Variants in TSHZ3 observed in about 807,000 individuals in gnomAD.
The protein encoded by TSHZ3 is teashirt zinc finger homeobox 3, also known as teashirt homolog 3.
A neutral mutation model predicts 64.5 loss-of-function variants in TSHZ3; 10 were observed. The observed-to-expected ratio is 0.16, with a 90% CI of 0.10 to 0.26. The LOEUF (loss-of-function observed/expected upper bound fraction) is 0.26, where lower values mean the gene tolerates loss of function less well. Among genes scored for constraint, TSHZ3 ranks in the 10% least tolerant of loss-of-function variants. The pLI is 1.00. For synonymous variants in TSHZ3, 608 were observed against 593.1 expected (o/e 1.03, Z -0.36); for missense variants, 1,242 against 1,421.7 (o/e 0.87, Z 2.03).
At chr19:31,322,712 C>A (rs1390952622) in intron 1 of TSHZ3, among the ~76,000 whole-genome samples, 2 of 152,198 alleles carry the variant, frequency 1.3e-5, no homozygotes, top group Non-Finnish European at 2.9e-5. Context: ...GGGCCACCAT[C>A]CCCAGCCAGT....
chr19:31,247,557 A>AAAGGAGGCC (rs1481268091), intron 1 of TSHZ3, among the ~76,000 whole-genome samples: 2 of 152,194 alleles, frequency 1.3e-5, no homozygotes, highest in African/African-American at 4.8e-5. Flanking sequence ...TAAAGGCATA[A>AAAGGAGGCC]AAGGAGGCCA....
intron 5 of TSHZ3, among the ~76,000 whole-genome samples, chr19:31,185,474 C>T (rs1974791366): frequency 6.6e-6 from 1 of 152,118 alleles, no homozygotes; most frequent in Non-Finnish European, 1.5e-5. Flanking sequence ...CTATGGTGAA[C>T]AGAGGAAAGA....
intron 5 of TSHZ3, among the ~76,000 whole-genome samples, chr19:31,159,193 G>T (rs1366211438): frequency 6.6e-6 from 1 of 152,116 alleles, no homozygotes; most frequent in Non-Finnish European, 1.5e-5. Context: ...GGAGATGGGG[G>T]TTTCACCATT....
chr19:31,349,536 C>G (rs1201369815), upstream of TSHZ3: 2 of 294,202 alleles, frequency 6.8e-6, no homozygotes, highest in Middle Eastern at 9.6e-4. Flanking sequence ...GCGCTGCCGG[C>G]GGAATGGGAA....
At chr19:31,245,831 G>C (rs372791642) in intron 1 of TSHZ3, among the ~76,000 whole-genome samples, 5 of 152,176 alleles carry the variant, frequency 3.3e-5, no homozygotes, top group Non-Finnish European at 7.3e-5. Context: ...ATTGCAGGTA[G>C]TGTGGCCCCC....
chr19:31,349,319 C>T lies in TSHZ3; in HGVS notation c.-100G>A. 1 of 1,212,848 alleles carries T rather than the reference C, an allele frequency of 8.2e-7. No homozygotes were observed. The highest frequency in any genetic ancestry group is 1.1e-6 in the Non-Finnish European group (1 of 917,584). The allele number at this position is 1,212,848 out of a possible 1,614,324, so 75.1% of individuals were successfully genotyped here. A position where few individuals can be genotyped will look rare whatever the true frequency, so the allele number is the denominator to read the frequency against. On this transcript the variant is annotated 5_prime_UTR_variant, in exon 1 of 2. Coordinates refer to ENST00000240587, the MANE Select transcript of TSHZ3 (RefSeq NM_020856.4). ...GGGCCCGCGGGGGGGCGAGGCGGGC[C>T]TGCTCTCAGCCTCCCCCCCGGAGAG...
At chr19:31,343,783 T>TG (rs1274591834) in intron 1 of TSHZ3, among the ~76,000 whole-genome samples, 2 of 151,468 alleles carry the variant, frequency 1.3e-5, no homozygotes, top group African/African-American at 4.9e-5. Flanking sequence ...GGTTTTTTTT[T>TG]TGTTTTTTTT....
chr19:31,183,868 G>A (rs1417363896), intron 5 of TSHZ3, among the ~76,000 whole-genome samples: 4 of 152,104 alleles, frequency 2.6e-5, no homozygotes, highest in Non-Finnish European at 5.9e-5. Flanking sequence ...ATATATTAGT[G>A]CCGAACAGTC....
At chr19:31,176,664 C>A (rs1172429316) in intron 5 of TSHZ3, among the ~76,000 whole-genome samples, 1 of 152,128 alleles carries the variant, frequency 6.6e-6, no homozygotes, top group Non-Finnish European at 1.5e-5. Context: ...GTGACACACA[C>A]CTATAGTCCC....
At chr19:31,219,950 T>A (rs1190237272) in intron 4 of TSHZ3, among the ~76,000 whole-genome samples, 1 of 151,992 alleles carries the variant, frequency 6.6e-6, no homozygotes, top group Non-Finnish European at 1.5e-5. Context: ...GATCAATTGA[T>A]CAATTGATTA....
intron 4 of TSHZ3, among the ~76,000 whole-genome samples, chr19:31,216,353 G>A (rs1363965677): frequency 2.0e-5 from 3 of 152,156 alleles, no homozygotes; most frequent in Non-Finnish European, 4.4e-5. Context: ...TGCAAAAGGA[G>A]GGACCTAATG....
chr19:31,233,022 G>A (rs1362134289), intron 3 of TSHZ3, among the ~76,000 whole-genome samples: 2 of 152,148 alleles, frequency 1.3e-5, no homozygotes, highest in Non-Finnish European at 2.9e-5. Flanking sequence ...AAAGCTGCTA[G>A]GAACATTCCT....
At chr19:31,206,810 T>C (rs960425916) in intron 4 of TSHZ3, among the ~76,000 whole-genome samples, 3 of 152,234 alleles carry the variant, frequency 2.0e-5, no homozygotes, top group African/African-American at 7.2e-5. Flanking sequence ...CTCATCTCTA[T>C]ATGTAGAAGA....
At chr19:31,332,631 T>G (rs1423594983) in intron 1 of TSHZ3, among the ~76,000 whole-genome samples, 2 of 152,146 alleles carry the variant, frequency 1.3e-5, no homozygotes, top group Admixed American at 1.3e-4. Flanking sequence ...TTTAGGGGAC[T>G]GTGATTACTG....
At chr19:31,215,707 T>C (rs1599587796) in intron 4 of TSHZ3, among the ~76,000 whole-genome samples, 1 of 151,914 alleles carries the variant, frequency 6.6e-6, no homozygotes, top group South Asian at 2.1e-4. Context: ...CCTGCCTCTA[T>C]TACAAATAAA....
At chr19:31,190,165 G>A (rs545156110) in intron 5 of TSHZ3, among the ~76,000 whole-genome samples, 6 of 152,140 alleles carry the variant, frequency 3.9e-5, no homozygotes, top group Non-Finnish European at 7.4e-5. Flanking sequence ...TAAATGGCTG[G>A]AACTTAAAAG....
intron 5 of TSHZ3, among the ~76,000 whole-genome samples, chr19:31,172,774 T>C (rs983744654): frequency 6.6e-6 from 1 of 152,094 alleles, no homozygotes; most frequent in Non-Finnish European, 1.5e-5. Context: ...AAGATCAGGC[T>C]CATTGAGGAG....
chr19:31,339,027 A>C (rs1275656644), intron 1 of TSHZ3, among the ~76,000 whole-genome samples: 1 of 152,064 alleles, frequency 6.6e-6, no homozygotes, highest in Admixed American at 6.5e-5. Context: ...TCAAAATGAT[A>C]AATGGTACCC....
chr19:31,312,622 A>T (rs1916491481), intron 1 of TSHZ3, among the ~76,000 whole-genome samples: 1 of 152,314 alleles, frequency 6.6e-6, no homozygotes, highest in South Asian at 2.1e-4. Context: ...AGTTAATCGA[A>T]GTCAGTGTTC....
Sources: allele counts gnomAD v4.1 joint callset (sites outside exome capture counted in the v4.1 genomes callset), GRCh38; gene constraint gnomAD v4.1.1; transcripts MANE v1.5; gene names NCBI Gene and HGNC (gene_info 2026-07-23, HGNC 2026-07-21).